PCMTD1: variants seen among roughly 807,000 people sequenced by gnomAD.
PCMTD1 encodes protein-L-isoaspartate O-methyltransferase domain-containing protein 1.
Under a neutral mutation model 37.6 loss-of-function variants are expected in PCMTD1, and 12 were observed. The ratio of observed to expected loss-of-function variants is 0.32; its 90% CI spans 0.20 to 0.52. The LOEUF is 0.52. Ranked by LOEUF, PCMTD1 falls within the 20% of genes least tolerant of loss-of-function variation. The probability of loss-of-function intolerance (pLI) is 0.97; values close to 1 mark genes in which losing one functional copy is unlikely to be tolerated. For synonymous variants in PCMTD1, 117 were observed against 135.8 expected, an observed-to-expected ratio of 0.86 and a Z score of 0.96; for missense variants, 235 against 421.3, an observed-to-expected ratio of 0.56 and a Z score of 3.87.
At chr8:51,878,029 A>C (rs2038737458) in intron 1 of PCMTD1, among the ~76,000 whole-genome samples, 1 of 152,204 alleles carries the variant, frequency 6.6e-6, no homozygotes, top group Admixed American at 6.5e-5. Flanking sequence ...CAAAGGGTAT[A>C]CTGGAGTTCC....
At chr8:51,856,197 A>G (rs2038385870) in intron 2 of PCMTD1, among the ~76,000 whole-genome samples, 1 of 152,236 alleles carries the variant, frequency 6.6e-6, no homozygotes, top group Non-Finnish European at 1.5e-5. Flanking sequence ...ATTAAAAAAC[A>G]GGAAAAGATT....
In PCMTD1 at chr8:51,820,533, G is replaced by C. The variant is rs201195724; in HGVS notation, c.892C>G (p.Gln298Glu). ...YVFVGNQLIP[Q>E]PLDSEEDEKM... Reference sequence around the variant, plus strand: ...TCATCCTCTTCACTGTCTAGAGGCTGAGGAATAAGCTGATTACCCACAAAT... The same window carrying C: ...TCATCCTCTTCACTGTCTAGAGGCTCAGGAATAAGCTGATTACCCACAAAT... The change falls in exon 6 of 6, where the codon CAG becomes GAG. Residue 298 changes from glutamine to glutamate, a missense_variant. Physicochemically the swap from Gln to Glu is conservative, Grantham distance 29. Coordinates refer to ENST00000522514, the MANE Select transcript of PCMTD1 (RefSeq NM_052937.4). 3.4e-5 allele frequency: 55 copies of C among 1,612,526 alleles called. No homozygotes were observed. Among genetic ancestry groups the C allele is most frequent in the African/African-American group, 6.7e-5 (5 of 74,910 alleles).
At chr8:51,866,588 G>A (rs1325528386) in intron 1 of PCMTD1, among the ~76,000 whole-genome samples, 2 of 151,832 alleles carry the variant, frequency 1.3e-5, no homozygotes, top group Non-Finnish European at 2.9e-5. Context: ...GCAGAAGAAT[G>A]AAATTGAATC....
intron 2 of PCMTD1, among the ~76,000 whole-genome samples, chr8:51,848,485 T>C (rs2038256436): frequency 1.3e-5 from 2 of 152,206 alleles, no homozygotes. Flanking sequence ...TTCTAATCCA[T>C]AGTTCAAACT....
chr8:51,820,826 T>C, intron 5 of PCMTD1, 108 bp from the exon 6 acceptor site: 1 of 1,248,400 alleles, frequency 8.0e-7, no homozygotes, highest in Non-Finnish European at 1.1e-6. Flanking sequence ...TTTTAGAAAA[T>C]ACAGAAAATA....
intron 2 of PCMTD1, among the ~76,000 whole-genome samples, chr8:51,856,164 ACAACT>A (rs2038385497): frequency 1.3e-5 from 2 of 152,306 alleles, no homozygotes; most frequent in Admixed American, 6.5e-5. Flanking sequence ...AAGAATACTA[ACAACT>A]CAACAATCAA....
intron 1 of PCMTD1, among the ~76,000 whole-genome samples, chr8:51,865,103 T>G (rs1007016271): frequency 1.3e-5 from 2 of 152,022 alleles, no homozygotes; most frequent in Non-Finnish European, 2.9e-5. Context: ...TTCCTGGAAA[T>G]GTACAACCTA....
chr8:51,868,699 ATAACT>A (rs563354648), intron 1 of PCMTD1, among the ~76,000 whole-genome samples: 149 of 152,304 alleles, frequency 9.8e-4, no homozygotes, highest in African/African-American at 3.5e-3. Flanking sequence ...TACATAAATA[ATAACT>A]TAAACCACAC....
In PCMTD1 at chr8:51,818,946, C is replaced by T. The variant is rs2037804709; in HGVS notation, c.*1405G>A. 1 of 10,412 alleles carries T rather than the reference C, an allele frequency of 9.6e-5. No individual in the cohort carries two copies. Among genetic ancestry groups the T allele is most frequent in the Non-Finnish European group, 3.4e-4 (1 of 2,964 alleles). 0.6% of individuals were successfully genotyped at this position (10,412 alleles called of 1,614,324 possible). On this transcript the variant is annotated 3_prime_UTR_variant, in exon 6 of 6. Coordinates refer to ENST00000522514, the MANE Select transcript of PCMTD1 (RefSeq NM_052937.4). ...AATGCTGGTGGTAGTCCATGATACT[C>T]TCAAATTTTTCCCTTTAAGAAATAT...
chr8:51,881,005 A>G (rs1368918864), intron 1 of PCMTD1, among the ~76,000 whole-genome samples: 5 of 152,198 alleles, frequency 3.3e-5, no homozygotes, highest in South Asian at 4.1e-4. Context: ...CCACACAAAA[A>G]AAGACAGTAG....
chr8:51,831,650 G>A, intron 4 of PCMTD1, 83 bp from the exon 5 acceptor site: 9 of 1,384,866 alleles, frequency 6.5e-6, no homozygotes, highest in South Asian at 3.1e-5. Flanking sequence ...TTGTTTTAAG[G>A]GAACAACTGC....
intron 3 of PCMTD1, chr8:51,839,449 T>A: frequency 1.0e-6 from 1 of 985,314 alleles, no homozygotes; most frequent in Non-Finnish European, 1.2e-6. Context: ...TCACTTACCT[T>A]AGCAGTGGTT....
intron 2 of PCMTD1, among the ~76,000 whole-genome samples, chr8:51,851,601 A>G (rs1214815666): frequency 2.0e-5 from 3 of 152,200 alleles, no homozygotes; most frequent in Non-Finnish European, 4.4e-5. Flanking sequence ...TAAGGTATAT[A>G]TAATACAGAA....
intron 4 of PCMTD1, 85 bp downstream of exon 4, chr8:51,833,433 A>T: frequency 9.1e-7 from 1 of 1,102,940 alleles, no homozygotes; most frequent in Non-Finnish European, 1.3e-6. Context: ...AAGTTACAAT[A>T]TACCTTTCAC....
intron 1 of PCMTD1, among the ~76,000 whole-genome samples, chr8:51,883,614 A>G (rs923381498): frequency 1.3e-5 from 2 of 152,208 alleles, no homozygotes; most frequent in Non-Finnish European, 2.9e-5. Flanking sequence ...CGATATTTTT[A>G]AAACGTGTTC....
At position 51,849,953 on chromosome 8, in the gene PCMTD1, T is replaced by G. The variant is rs1039625841; in HGVS notation, c.308-4190A>C. 2.3e-5 allele frequency: 15 copies of G among 654,452 alleles called. No homozygotes were observed. The African/African-American group carries it at 2.5e-4, about 11-fold the overall frequency. 40.5% of individuals were successfully genotyped at this position (654,452 alleles called of 1,614,324 possible). The stretch of plus-strand genomic sequence containing the variant: ...CACTGCATTTGAATGAAGTTCACTG[T>G]GCCTTTAGTATTTTGTGTAAAGCTA... On this transcript the variant is annotated intron_variant, in intron 2 of 5. Coordinates refer to ENST00000522514, the MANE Select transcript of PCMTD1 (RefSeq NM_052937.4).
At chr8:51,884,873 C>T (rs2038843022) in intron 1 of PCMTD1, among the ~76,000 whole-genome samples, 1 of 152,228 alleles carries the variant, frequency 6.6e-6, no homozygotes, top group Admixed American at 6.5e-5. Flanking sequence ...GACCTGTTCT[C>T]AGCCTGGGAT....
chr8:51,837,251 C>A (rs2038082105), intron 3 of PCMTD1, among the ~76,000 whole-genome samples: 1 of 152,128 alleles, frequency 6.6e-6, no homozygotes, highest in Admixed American at 6.5e-5. Flanking sequence ...AATTGCAACT[C>A]CACTTCTAGC....
At chr8:51,889,080 T>G (rs79834100) in intron 1 of PCMTD1, among the ~76,000 whole-genome samples, 2 of 152,296 alleles carry the variant, frequency 1.3e-5, no homozygotes, top group South Asian at 4.1e-4. Context: ...ACATTCTCCT[T>G]GCTTTTCCTA....
Sources: allele counts gnomAD v4.1 joint callset (sites outside exome capture counted in the v4.1 genomes callset), GRCh38; gene constraint gnomAD v4.1.1; transcripts MANE v1.5; gene names NCBI Gene and HGNC (gene_info 2026-07-23, HGNC 2026-07-21).